The following SGSM1 variants were observed in gnomAD, a reference collection of about 807,000 sequenced individuals.
SGSM1 encodes the protein small G protein signaling modulator 1, also known as RUN and TBC1 domain containing 2.
In SGSM1, 73 loss-of-function variants were observed where a neutral mutation model predicts 133.8. The ratio of observed to expected loss-of-function variants is 0.55; its 90% CI spans 0.45 to 0.66. The LOEUF is 0.66. Among genes scored for constraint, SGSM1 ranks in the 30% least tolerant of loss-of-function variants. SGSM1 has a pLI of 0.00. For synonymous variants in SGSM1, 563 were observed against 573.0 expected (o/e 0.98, Z 0.25); for missense variants, 1,213 against 1,448.1 (o/e 0.84, Z 2.64).
Position 24,888,452 on chromosome 22 carries a change from T to C in SGSM1, c.1770+1724T>C, listed in dbSNP as rs187764684. ...TTGTTGAAAAGATGTCCTTCCTCCA[T>C]TGAATTGCTCTTGCACTGTTAAAAA... On this transcript the variant is annotated intron_variant, in intron 16 of 24. Coordinates refer to ENST00000400358, the MANE Select transcript of SGSM1 (RefSeq NM_001098497.3). Among the ~76,000 whole-genome samples the C allele has an allele frequency of 2.0e-5, 3 of 152,256 alleles. 1 individual carries two copies. Among genetic ancestry groups the C allele is most frequent in the East Asian group, 3.9e-4 (2 of 5,180 alleles).
intron 13 of SGSM1, among the ~76,000 whole-genome samples, chr22:24,878,399 G>A (rs191385394): frequency 7.2e-5 from 11 of 152,296 alleles, no homozygotes; most frequent in African/African-American, 1.2e-4. Context: ...AGCTGTTGAT[G>A]TGATCCTATT....
intron 12 of SGSM1, among the ~76,000 whole-genome samples, chr22:24,876,275 C>T (rs1038996088): frequency 6.6e-6 from 1 of 152,192 alleles, no homozygotes; most frequent in African/African-American, 2.4e-5. Flanking sequence ...TAAGTGACAA[C>T]ATGGCAAGGC....
At position 24,917,769 on chromosome 22, in the gene SGSM1, T is replaced by C. The variant is rs1330104871; in HGVS notation, c.3025+15T>C. ...TTTCAAGCGAGGTACAGACTTTAAA[T>C]TGGGGACCTGTGTCCAGACTCTTTG... On this transcript the variant is annotated intron_variant, in intron 23 of 24. Coordinates refer to ENST00000400358, the MANE Select transcript of SGSM1 (RefSeq NM_001098497.3). 4.4e-6 allele frequency: 7 copies of C among 1,606,924 alleles called. No homozygotes were observed. The highest frequency in any genetic ancestry group is 1.3e-5 in the African/African-American group (1 of 74,752).
At chr22:24,845,827 C>T (rs186408832) in intron 3 of SGSM1, among the ~76,000 whole-genome samples, 3 of 143,092 alleles carry the variant, frequency 2.1e-5, no homozygotes, top group Non-Finnish European at 4.4e-5. Context: ...CCACCTCTGC[C>T]GCTTTCTTGG....
At chr22:24,825,604 A>G (rs1237706923) in intron 2 of SGSM1, among the ~76,000 whole-genome samples, 2 of 151,842 alleles carry the variant, frequency 1.3e-5, no homozygotes, top group Non-Finnish European at 2.9e-5. Context: ...TAATTTTTGT[A>G]TTTTTAGTAG....
rs1555920070 is a variant in SGSM1 at position 24,822,088 on chromosome 22, C to CTCTTTTTTTTTTTTTTTTTTTTTT, written c.63+15605_63+15606insCTTTTTTTTTTTTTTTTTTTTTTT. 5.3e-4 allele frequency among the ~76,000 whole-genome samples: 51 copies of CTCTTTTTTTTTTTTTTTTTTTTTT among 96,124 alleles called. 5 individuals are homozygous for CTCTTTTTTTTTTTTTTTTTTTTTT. Among genetic ancestry groups the CTCTTTTTTTTTTTTTTTTTTTTTT allele is most frequent in the East Asian group, 1.6e-3 (4 of 2,542 alleles). 63.1% of individuals were successfully genotyped at this position (96,124 alleles called of 152,430 possible). ...CCATGCTCTACCTGTTCATCTCTCT[C>CTCTTTTTTTTTTTTTTTTTTTTTT]TTTTTTTTTTTTTTTTTTTTGAGAC... On this transcript the variant is annotated intron_variant, in intron 2 of 24. Transcript: ENST00000400358.
intron 2 of SGSM1, among the ~76,000 whole-genome samples, chr22:24,837,601 C>T (rs1435454357): frequency 7.5e-6 from 1 of 132,696 alleles, no homozygotes; most frequent in African/African-American, 2.8e-5. Context: ...CTTTCCCAGT[C>T]TGCTAAGTAG....
intron 2 of SGSM1, among the ~76,000 whole-genome samples, chr22:24,818,186 C>T (rs937363809): frequency 2.0e-5 from 3 of 150,814 alleles, no homozygotes; most frequent in African/African-American, 7.3e-5. Flanking sequence ...GAGTTGAGAC[C>T]ATGCCACTGC....
At position 24,879,451 on chromosome 22, in the gene SGSM1, T is replaced by C; in HGVS notation, c.1431-11T>C. ...TCTATTCTAAGCATCTCCCTCTTTC[T>C]CCACCTGCAGGGCTCCCCTGAAACT... On this transcript the variant is annotated splice_polypyrimidine_tract_variant and intron_variant, in intron 13 of 24. Transcript: ENST00000400358. The C allele has an allele frequency of 6.2e-7, 1 of 1,613,430 alleles. No individual in the cohort carries two copies. Among genetic ancestry groups the C allele is most frequent in the Admixed American group, 1.7e-5 (1 of 59,960 alleles).
intron 2 of SGSM1, among the ~76,000 whole-genome samples, chr22:24,827,924 A>T (rs1429875771): frequency 6.6e-6 from 1 of 151,892 alleles, no homozygotes; most frequent in Non-Finnish European, 1.5e-5. Context: ...TGAGCTCCCC[A>T]TCATTGGAGG....
At chr22:24,873,578 C>G (rs1407573733) in intron 12 of SGSM1, among the ~76,000 whole-genome samples, 1 of 152,152 alleles carries the variant, frequency 6.6e-6, no homozygotes, top group East Asian at 1.9e-4. Context: ...AGGCCAGGCA[C>G]AGTGGCTCAT....
At chr22:24,876,519 G>A in intron 12 of SGSM1, 58 bp from the exon 13 acceptor site, 1 of 1,603,474 alleles carries the variant, frequency 6.2e-7, no homozygotes, top group Non-Finnish European at 8.5e-7. Context: ...TGAGATTTCT[G>A]TGACCCACAT....
At chr22:24,840,437 G>A (rs944938808) in intron 2 of SGSM1, among the ~76,000 whole-genome samples, 13 of 152,048 alleles carry the variant, frequency 8.5e-5, no homozygotes, top group African/African-American at 1.5e-4. Flanking sequence ...TCCACCTCCC[G>A]GGTTCAAGCA....
chr22:24,845,993 C>CTT (rs1456244292), intron 3 of SGSM1, among the ~76,000 whole-genome samples: 2 of 129,938 alleles, frequency 1.5e-5, no homozygotes, highest in Non-Finnish European at 3.3e-5. Flanking sequence ...TTCTTTCTTT[C>CTT]TTTCTTTCTT....
intron 19 of SGSM1, among the ~76,000 whole-genome samples, chr22:24,900,414 T>TCTTTCTTTCTTTCTTCTTTCTTTC (rs1484572431): frequency 6.8e-6 from 1 of 146,164 alleles, no homozygotes; most frequent in African/African-American, 2.6e-5. Context: ...TTTCTGTATT[T>TCTTTCTTTCTTTCTTCTTTCTTTC]TTGAGACAGA....
intron 14 of SGSM1, among the ~76,000 whole-genome samples, chr22:24,880,774 G>T (rs1291457725): frequency 6.6e-6 from 1 of 152,224 alleles, no homozygotes; most frequent in Non-Finnish European, 1.5e-5. Flanking sequence ...GGACAATGTG[G>T]CTCATCCCTA....
At chr22:24,809,478 GCAAGGTTTGC>G (rs1404323364) in intron 2 of SGSM1, among the ~76,000 whole-genome samples, 2 of 152,254 alleles carry the variant, frequency 1.3e-5, no homozygotes, top group Non-Finnish European at 2.9e-5. Context: ...GGGCAGCTCT[GCAAGGTTTGC>G]CAGAGCCACT....
chr22:24,917,610 C>A, intron 22 of SGSM1, 48 bp from the exon 23 acceptor site: 1 of 1,466,646 alleles, frequency 6.8e-7, no homozygotes, highest in Non-Finnish European at 9.5e-7. Context: ...GTCTCCTCTG[C>A]TCCAACCTTT....
intron 21 of SGSM1, among the ~76,000 whole-genome samples, chr22:24,907,236 G>A (rs1363865268): frequency 6.7e-6 from 1 of 149,870 alleles, no homozygotes; most frequent in Non-Finnish European, 1.5e-5. Context: ...CTCCAGCCTG[G>A]GTGACAAGAG....
Sources: allele counts gnomAD v4.1 joint callset (sites outside exome capture counted in the v4.1 genomes callset), GRCh38; gene constraint gnomAD v4.1.1; transcripts MANE v1.5; gene names NCBI Gene and HGNC (gene_info 2026-07-23, HGNC 2026-07-21).